RPRD1B: variants seen among roughly 807,000 people sequenced by gnomAD.
RPRD1B encodes regulation of nuclear pre-mRNA domain-containing protein 1B.
RPRD1B carries 11 observed loss-of-function variants against 41.5 expected under a neutral mutation model. The observed-to-expected ratio is 0.27, with a 90% CI of 0.17 to 0.44. The LOEUF (loss-of-function observed/expected upper bound fraction) is 0.44, where lower values mean the gene tolerates loss of function less well. Ranked by LOEUF, RPRD1B falls within the 20% of genes least tolerant of loss-of-function variation. RPRD1B has a pLI of 1.00. For synonymous variants in RPRD1B, 158 were observed against 155.6 expected, an observed-to-expected ratio of 1.02 and a Z score of -0.12; for missense variants, 248 against 389.9, an observed-to-expected ratio of 0.64 and a Z score of 3.06.
At chr20:38,042,904 A>G (rs1266871297) in intron 2 of RPRD1B, among the ~76,000 whole-genome samples, 1 of 152,224 alleles carries the variant, frequency 6.6e-6, no homozygotes, top group African/African-American at 2.4e-5. Flanking sequence ...TGCCAAGTTC[A>G]TAGGATAGAT....
At chr20:38,076,940 A>G (rs1281179887) in intron 6 of RPRD1B, among the ~76,000 whole-genome samples, 1 of 41,642 alleles carries the variant, frequency 2.4e-5, no homozygotes, top group African/African-American at 9.9e-5. Flanking sequence ...TTTTTTTGAG[A>G]TGGAGTCTCG....
chr20:38,087,313 G>A (rs944468929), intron 6 of RPRD1B, among the ~76,000 whole-genome samples: 1 of 152,160 alleles, frequency 6.6e-6, no homozygotes, highest in African/African-American at 2.4e-5. Flanking sequence ...AACTTAAGGT[G>A]GTGTCTAATT....
chr20:38,038,339 T>C (rs2074024439), intron 1 of RPRD1B, among the ~76,000 whole-genome samples: 1 of 151,052 alleles, frequency 6.6e-6, no homozygotes, highest in African/African-American at 2.4e-5. Context: ...CGGAGTCTCT[T>C]ACTCTGTCAC....
rs1297367816 is a variant in RPRD1B at position 38,057,458 on chromosome 20, G to A, written c.416-74G>A. On this transcript the variant is annotated intron_variant, in intron 3 of 6. Transcript: ENST00000373433. ...CCCTTCTGCCCTGTTTTTACATGTGGCCCATTGTGCATAGCATGTGACTTA... is the reference window on the plus strand; with the variant it reads ...CCCTTCTGCCCTGTTTTTACATGTGACCCATTGTGCATAGCATGTGACTTA... 5.2e-6 allele frequency: 5 copies of A among 967,436 alleles called. No individual in the cohort carries two copies. The Admixed American group carries it at 5.4e-5, about 10-fold the overall frequency. 59.9% of individuals were successfully genotyped at this position (967,436 alleles called of 1,614,324 possible). A position where few individuals can be genotyped will look rare whatever the true frequency, so the allele number is the denominator to read the frequency against.
intron 5 of RPRD1B, among the ~76,000 whole-genome samples, chr20:38,060,781 G>C (rs2074289332): frequency 6.6e-6 from 1 of 152,066 alleles, no homozygotes; most frequent in South Asian, 2.1e-4. Context: ...GCAGTCTCTT[G>C]ATTCCTCCCC....
chr20:38,064,560 G>A (rs944037621), intron 5 of RPRD1B, among the ~76,000 whole-genome samples: 6 of 152,090 alleles, frequency 3.9e-5, no homozygotes, highest in Admixed American at 1.3e-4. Context: ...TTTAAAATTC[G>A]AATCTCACCA....
intron 6 of RPRD1B, among the ~76,000 whole-genome samples, chr20:38,083,460 G>A (rs12624488): frequency 0.18 from 27,557 of 152,048 alleles, 2,912 homozygotes; most frequent in Middle Eastern, 0.34. Context: ...AGTTAGTATA[G>A]ACACTGACTT....
In RPRD1B at chr20:38,048,473, C is replaced by A; in HGVS notation, c.407C>A (p.Pro136His). The change falls in exon 3 of 7, where the codon CCC becomes CAC. Residue 136 changes from proline to histidine, a missense_variant. Physicochemically the swap from Pro to His is moderately conservative, Grantham distance 77. Coordinates refer to ENST00000373433, the MANE Select transcript of RPRD1B (RefSeq NM_021215.4). Reference protein sequence around the residue: ...KLSMEDSKSPPPKATEEKKSL... With the variant: ...KLSMEDSKSPHPKATEEKKSL... ...TCTATGGAGGACTCCAAGAGCCCTC[C>A]CCCCAAAGGTAGAAACATCACCACA... 2.5e-6 allele frequency: 4 copies of A among 1,604,440 alleles called. No homozygotes were observed. The highest frequency in any genetic ancestry group is 3.4e-6 in the Non-Finnish European group (4 of 1,172,808).
chr20:38,065,782 T>C, intron 5 of RPRD1B: 1 of 234,064 alleles, frequency 4.3e-6, no homozygotes, highest in Non-Finnish European at 8.2e-6. Flanking sequence ...CTTCAATATC[T>C]CTTTATGCTT....
intron 6 of RPRD1B, among the ~76,000 whole-genome samples, chr20:38,086,712 A>G (rs2074564440): frequency 6.6e-6 from 1 of 152,126 alleles, no homozygotes; most frequent in South Asian, 2.1e-4. Context: ...CCTTCCTCTG[A>G]CGCCTGCTCT....
intron 6 of RPRD1B, among the ~76,000 whole-genome samples, chr20:38,083,501 A>G (rs879687429): frequency 6.6e-6 from 1 of 152,082 alleles, no homozygotes; most frequent in East Asian, 1.9e-4. Flanking sequence ...GCATGTCCCT[A>G]TGAGATCAGG....
chr20:38,046,621 G>A (rs570924928), intron 2 of RPRD1B, among the ~76,000 whole-genome samples: 1 of 152,326 alleles, frequency 6.6e-6, no homozygotes, highest in Non-Finnish European at 1.5e-5. Context: ...ACTGAAGGTG[G>A]TGTAACTAAA....
chr20:38,048,951 ATTGT>A (rs531004306), intron 3 of RPRD1B, among the ~76,000 whole-genome samples: 59 of 152,100 alleles, frequency 3.9e-4, no homozygotes, highest in Non-Finnish European at 6.2e-4. Context: ...TCTAAAGTTG[ATTGT>A]TTGTTTGTTT....
intron 6 of RPRD1B, chr20:38,070,193 TTTTG>T (rs907415745): frequency 2.4e-5 from 24 of 985,274 alleles, no homozygotes; most frequent in African/African-American, 1.0e-4. Flanking sequence ...AATCATCTTT[TTTTG>T]TTTGTTTGTT....
intron 6 of RPRD1B, among the ~76,000 whole-genome samples, chr20:38,088,512 C>T (rs1331350285): frequency 3.3e-5 from 5 of 152,202 alleles, no homozygotes; most frequent in African/African-American, 1.2e-4. Flanking sequence ...TCTAAGTCAG[C>T]AGGGGCCCAG....
chr20:38,043,321 G>C (rs1412653855), intron 2 of RPRD1B, among the ~76,000 whole-genome samples: 2 of 152,180 alleles, frequency 1.3e-5, no homozygotes, highest in Non-Finnish European at 2.9e-5. Flanking sequence ...GGTGTGGTTA[G>C]AATATAGTGC....
At chr20:38,073,446 G>T (rs1874935858) in intron 6 of RPRD1B, among the ~76,000 whole-genome samples, 2 of 152,174 alleles carry the variant, frequency 1.3e-5, no homozygotes, top group Non-Finnish European at 2.9e-5. Flanking sequence ...TGGGAAGGGG[G>T]AAATGGTTCA....
At chr20:38,083,137 G>A (rs2074529973) in intron 6 of RPRD1B, among the ~76,000 whole-genome samples, 1 of 151,996 alleles carries the variant, frequency 6.6e-6, no homozygotes, top group African/African-American at 2.4e-5. Flanking sequence ...CATTAAAATA[G>A]TCCTTAAAGA....
In RPRD1B at chr20:38,092,334, A is replaced by G. The variant is rs757657823; in HGVS notation, c.*2459A>G. On this transcript the variant is annotated 3_prime_UTR_variant, in exon 7 of 7. Coordinates refer to ENST00000373433, the MANE Select transcript of RPRD1B (RefSeq NM_021215.4). ...ATTCTGAAATGTCTCATAGATATAT[A>G]TTTTTGAATAAAGATGGTGTTGTTG... The G allele has an allele frequency of 5.1e-6, 5 of 983,886 alleles. No individual in the cohort carries two copies. The highest frequency in any genetic ancestry group is 6.2e-5 in the Admixed American group (1 of 16,248). 60.9% of individuals were successfully genotyped at this position (983,886 alleles called of 1,614,324 possible).
Sources: allele counts gnomAD v4.1 joint callset (sites outside exome capture counted in the v4.1 genomes callset), GRCh38; gene constraint gnomAD v4.1.1; transcripts MANE v1.5; gene names NCBI Gene and HGNC (gene_info 2026-07-23, HGNC 2026-07-21).